Variants in TET3 observed in about 807,000 individuals in gnomAD.
TET3 encodes tet methylcytosine dioxygenase 3.
Under a neutral mutation model 141.4 loss-of-function variants are expected in TET3, and 19 were observed. The observed-to-expected ratio is 0.13, with a 90% CI of 0.09 to 0.20. The LOEUF is 0.20. Among genes scored for constraint, TET3 ranks in the 10% least tolerant of loss-of-function variants. TET3 has a pLI of 1.00. For missense variants in TET3, 1,874 were observed against 2,356.9 expected (o/e 0.80, Z 4.24); for synonymous variants, 1,043 against 980.9 (o/e 1.06, Z -1.18).
intron 2 of TET3, 136 bp from the exon 3 acceptor site, chr2:74,002,974 T>C (rs1684943330): frequency 1.3e-5 from 11 of 867,556 alleles, no homozygotes; most frequent in Non-Finnish European, 2.0e-5. Flanking sequence ...TGGTCCCAGA[T>C]AGCCTTTCTT....
chr2:74,012,937 A>G (rs1042812093), intron 3 of TET3, among the ~76,000 whole-genome samples: 1 of 150,024 alleles, frequency 6.7e-6, no homozygotes, highest in Non-Finnish European at 1.5e-5. Context: ...AGATCAAATG[A>G]TATTTCTCCT....
intron 4 of TET3, among the ~76,000 whole-genome samples, chr2:74,055,470 G>A (rs1313382226): frequency 6.6e-6 from 1 of 152,188 alleles, no homozygotes; most frequent in Non-Finnish European, 1.5e-5. Context: ...CTGATCCAGA[G>A]TAAAGCCTAA....
At chr2:74,020,608 C>A (rs1685983851) in intron 3 of TET3, among the ~76,000 whole-genome samples, 1 of 152,214 alleles carries the variant, frequency 6.6e-6, no homozygotes, top group Non-Finnish European at 1.5e-5. Flanking sequence ...CAGGTCCCTG[C>A]CCCCACTGGT....
chr2:74,063,702 G>A (rs1371361068), intron 4 of TET3, among the ~76,000 whole-genome samples: 2 of 152,090 alleles, frequency 1.3e-5, no homozygotes, highest in South Asian at 2.1e-4. Context: ...TGCAAGATGC[G>A]TAAGTTCTAG....
At chr2:74,130,388 C>T in the TET3 span, among the ~76,000 whole-genome samples, 2 of 152,170 alleles carry the variant, frequency 1.3e-5, no homozygotes, top group Non-Finnish European at 2.9e-5. Context: ...ATAGCCCGAC[C>T]AGCAATATTA....
intron 4 of TET3, among the ~76,000 whole-genome samples, chr2:74,055,544 A>T (rs1164025252): frequency 1.3e-4 from 20 of 152,308 alleles, no homozygotes. Context: ...GCAGTCATTG[A>T]CTGTCATTAA....
chr2:74,092,615 T>C (rs1343096551), intron 8 of TET3, among the ~76,000 whole-genome samples: 1 of 152,184 alleles, frequency 6.6e-6, no homozygotes. Context: ...ACGTTTGATA[T>C]GTTCTGGGCT....
chr2:74,039,822 C>T (rs906614389), intron 3 of TET3, among the ~76,000 whole-genome samples: 1 of 152,196 alleles, frequency 6.6e-6, no homozygotes, highest in Non-Finnish European at 1.5e-5. Flanking sequence ...TCCACATGGC[C>T]TGGGCTTCCT....
intron 4 of TET3, among the ~76,000 whole-genome samples, chr2:74,053,101 T>C (rs534041127): frequency 1.1e-4 from 17 of 152,216 alleles, no homozygotes; most frequent in Non-Finnish European, 1.9e-4. Context: ...AGTAAACTTA[T>C]AAGCTATGAA....
In TET3 at chr2:74,087,759, A is replaced by AG; in HGVS notation, c.2680-68dup. 7.0e-7 allele frequency: 1 copy of AG among 1,437,266 alleles called. No homozygotes were observed. 89.0% of individuals were successfully genotyped at this position (1,437,266 alleles called of 1,614,324 possible). On this transcript the variant is annotated intron_variant, in intron 6 of 11. Coordinates refer to ENST00000409262, the MANE Select transcript of TET3 (RefSeq NM_001287491.2). The surrounding 1 kb of genome is among the most constrained non-coding windows in gnomAD (Gnocchi z 4.3). ...CCTGCACCCTGGGTCTGTGTGACAAAGGGAGGGGTGGCACCATGCAGAGGA... is the reference window on the plus strand; with the variant it reads ...CCTGCACCCTGGGTCTGTGTGACAAAGGGGAGGGGTGGCACCATGCAGAGGA...
At chr2:74,081,383 C>T (rs542374325) in intron 6 of TET3, among the ~76,000 whole-genome samples, 8 of 152,200 alleles carry the variant, frequency 5.3e-5, no homozygotes, top group Admixed American at 5.2e-4. Context: ...GACGAGGGCT[C>T]GGTCCCTATG....
At position 74,100,755 on chromosome 2, in the gene TET3, G is replaced by A. The variant is rs1470724173; in HGVS notation, c.3967G>A (p.Ala1323Thr). 4.3e-6 allele frequency: 7 copies of A among 1,613,602 alleles called. No homozygotes were observed. The highest frequency in any genetic ancestry group is 1.6e-4 in the Middle Eastern group (1 of 6,062). The change falls in exon 12 of 12, where the codon GCT becomes ACT. Residue 1323 changes from alanine to threonine, a missense_variant. Ala to Thr is a moderately conservative substitution (Grantham distance 58). This residue lies in a region of TET3 where 602 missense variants were observed against 590.2 expected (regional missense o/e 1.02). Coordinates refer to ENST00000409262, the MANE Select transcript of TET3 (RefSeq NM_001287491.2). ...TTTTGAGAAGAAGCCAGACCTCCAC[G>A]CTCTGCACAACAGCCTGAGCCCGGC... ...GSFEKKPDLH[A>T]LHNSLSPAYG...
chr2:74,080,035 C>T (rs1374444331), intron 5 of TET3, among the ~76,000 whole-genome samples: 1 of 152,158 alleles, frequency 6.6e-6, no homozygotes, highest in African/African-American at 2.4e-5. Context: ...AGCTGTTTGT[C>T]ATCATCATGG....
intron 10 of TET3, 132 bp from the exon 11 acceptor site, chr2:74,099,144 T>C (rs1691015306): frequency 8.8e-6 from 7 of 797,902 alleles, no homozygotes; most frequent in Non-Finnish European, 1.4e-5. Context: ...CACAAACTCT[T>C]GGAAGTAGTA....
chr2:74,047,766 G>T lies in TET3; in HGVS notation c.1849G>T (p.Ala617Ser). The T allele has an allele frequency of 6.2e-7, 1 of 1,613,776 alleles. No individual in the cohort carries two copies. The highest frequency in any genetic ancestry group is 8.5e-7 in the Non-Finnish European group (1 of 1,179,822). ...IQIKKSRPRE[A>S]QPLFPPVRQI... ...GATCAAGAAGTCCAGGCCCCGGGAA[G>T]CACAGCCCCTCTTCCCACCTGTCCG... is the stretch of plus-strand genomic sequence containing the variant. The change falls in exon 4 of 12, where the codon GCA becomes TCA. Residue 617 changes from alanine (A) to serine (S), a missense_variant. Ala to Ser is a moderately conservative substitution (Grantham distance 99). Around this residue, in one of 10 missense-constraint regions of TET3, gnomAD observed 484 missense variants for 462.2 expected, o/e 1.05. Coordinates refer to ENST00000409262, the MANE Select transcript of TET3 (RefSeq NM_001287491.2).
At chr2:73,987,376 G>A (rs541402651) in intron 2 of TET3, among the ~76,000 whole-genome samples, 1 of 152,304 alleles carries the variant, frequency 6.6e-6, no homozygotes, top group East Asian at 1.9e-4. Context: ...ACCCCAGGGA[G>A]GTGTACTCCC....
the TET3 span, chr2:74,121,468 A>C: frequency 1.3e-5 from 2 of 152,254 alleles, no homozygotes; most frequent in African/African-American, 4.8e-5. Context: ...AAAACTTTCA[A>C]GTCAGAGTGT....
intron 4 of TET3, among the ~76,000 whole-genome samples, chr2:74,050,546 T>C (rs1687889659): frequency 6.6e-6 from 1 of 152,202 alleles, no homozygotes; most frequent in Admixed American, 6.5e-5. Flanking sequence ...TGAAGGACTT[T>C]GCGGTTTCCT....
intron 11 of TET3, 93 bp from the exon 12 acceptor site, chr2:74,100,300 A>G (rs991653942): frequency 7.6e-7 from 1 of 1,313,262 alleles, no homozygotes; most frequent in Non-Finnish European, 1.0e-6. Context: ...ATCCCTGGGA[A>G]AGAGGGAGGG....
Sources: gnomAD v4.1 joint callset for allele counts (sites outside exome capture counted in the v4.1 genomes callset) on GRCh38, gnomAD v4.1.1 for gene constraint, gnomAD v4.1.1 regional missense constraint, Gnocchi (gnomAD v3.1) non-coding constraint, MANE v1.5 for transcripts, NCBI Gene and HGNC (gene_info 2026-07-23, HGNC 2026-07-21) for gene names.